Variants in GABRB1 observed in about 807,000 individuals in gnomAD.
GABRB1 encodes the protein gamma-aminobutyric acid receptor subunit beta-1.
Under a neutral mutation model 51.6 loss-of-function variants are expected in GABRB1, and 17 were observed. The ratio of observed to expected loss-of-function variants is 0.33; its 90% CI spans 0.23 to 0.49. The LOEUF is 0.49. Among genes scored for constraint, GABRB1 ranks in the 20% least tolerant of loss-of-function variants. GABRB1 has a pLI of 0.99. For synonymous variants in GABRB1, 247 were observed against 218.9 expected, an observed-to-expected ratio of 1.13 and a Z score of -1.14; for missense variants, 410 against 600.6, an observed-to-expected ratio of 0.68 and a Z score of 3.32.
At chr4:47,136,176 G>T (rs1716640408) in intron 3 of GABRB1, among the ~76,000 whole-genome samples, 1 of 152,086 alleles carries the variant, frequency 6.6e-6, no homozygotes, top group Non-Finnish European at 1.5e-5. Context: ...GTTTTTTGTA[G>T]AGTTGAGGTC....
chr4:47,260,744 C>A (rs1014527383), intron 4 of GABRB1, among the ~76,000 whole-genome samples: 18 of 151,846 alleles, frequency 1.2e-4, no homozygotes, highest in African/African-American at 3.4e-4. Flanking sequence ...GAGACACAAC[C>A]AAAAAAGAGA....
intron 5 of GABRB1, among the ~76,000 whole-genome samples, chr4:47,343,327 G>A (rs1278631717): frequency 6.6e-6 from 1 of 152,132 alleles, no homozygotes; most frequent in Admixed American, 6.5e-5. Flanking sequence ...ACAGGTAGGA[G>A]ACAAGTCAGT....
intron 3 of GABRB1, among the ~76,000 whole-genome samples, chr4:47,141,268 C>T (rs977578298): frequency 2.6e-5 from 4 of 151,918 alleles, no homozygotes; most frequent in African/African-American, 9.7e-5. Flanking sequence ...CGTCCATCAG[C>T]CTGCTTCATT....
chr4:47,059,041 A>G (rs1258092136), intron 3 of GABRB1, among the ~76,000 whole-genome samples: 1 of 152,240 alleles, frequency 6.6e-6, no homozygotes, highest in Non-Finnish European at 1.5e-5. Flanking sequence ...CAAATTTTGC[A>G]TCTAATTTAT....
intron 4 of GABRB1, among the ~76,000 whole-genome samples, chr4:47,183,903 G>A (rs959654200): frequency 6.6e-6 from 1 of 151,770 alleles, no homozygotes; most frequent in Non-Finnish European, 1.5e-5. Context: ...TCCATACTTG[G>A]ACTACTTGCT....
At chr4:47,349,565 T>A (rs895507046) in intron 5 of GABRB1, among the ~76,000 whole-genome samples, 7 of 152,214 alleles carry the variant, frequency 4.6e-5, no homozygotes, top group Admixed American at 4.6e-4. Flanking sequence ...CATGCCATCC[T>A]GCTCCATCAG....
chr4:47,425,822 G>T lies in GABRB1; in HGVS notation c.1229G>T (p.Ser410Ile). The T allele has an allele frequency of 6.2e-7, 1 of 1,614,110 alleles. No homozygotes were observed. ...ATCCAGTACCGCAAGCCCCTGAGCA[G>T]CCGCGAGGCCTACGGGCGCGCCCTG... The part of the protein sequence containing the change: ...ASIQYRKPLS[S>I]REAYGRALDR... The change falls in exon 9 of 9, where the codon AGC becomes ATC. Residue 410 changes from serine to isoleucine, a missense_variant. By Grantham distance (142) the Ser-to-Ile change is moderately radical. Transcript: ENST00000295454.
intron 5 of GABRB1, among the ~76,000 whole-genome samples, chr4:47,350,008 A>C (rs1726248464): frequency 6.6e-6 from 1 of 152,056 alleles, no homozygotes; most frequent in South Asian, 2.1e-4. Flanking sequence ...GAAAATGCTA[A>C]GGAGAGAGAA....
intron 3 of GABRB1, among the ~76,000 whole-genome samples, chr4:47,133,781 A>G (rs1453838793): frequency 2.6e-5 from 4 of 152,206 alleles, no homozygotes; most frequent in Admixed American, 6.5e-5. Flanking sequence ...CAGATGTCCC[A>G]TTACTGATGA....
chr4:47,201,078 T>C (rs911956645), intron 4 of GABRB1, among the ~76,000 whole-genome samples: 10 of 152,158 alleles, frequency 6.6e-5, no homozygotes, highest in African/African-American at 2.4e-4. Context: ...ATAAAATATA[T>C]CTGAATGTAA....
chr4:47,195,938 T>C (rs1719666336), intron 4 of GABRB1, among the ~76,000 whole-genome samples: 1 of 152,252 alleles, frequency 6.6e-6, no homozygotes, highest in South Asian at 2.1e-4. Context: ...ACACTGTTTC[T>C]GTGATATAGA....
At chr4:47,112,683 C>A (rs1715276646) in intron 3 of GABRB1, among the ~76,000 whole-genome samples, 1 of 152,054 alleles carries the variant, frequency 6.6e-6, no homozygotes. Flanking sequence ...TTCATCCATT[C>A]ATTTACTCAT....
At chr4:47,311,049 C>A (rs1286920422) in intron 4 of GABRB1, among the ~76,000 whole-genome samples, 1 of 81,718 alleles carries the variant, frequency 1.2e-5, no homozygotes, top group African/African-American at 5.2e-5. Context: ...TAACAGAGAG[C>A]AACTCTGTCT....
intron 3 of GABRB1, among the ~76,000 whole-genome samples, chr4:47,153,677 C>T (rs1418540291): frequency 2.0e-5 from 3 of 151,924 alleles, no homozygotes; most frequent in Non-Finnish European, 4.4e-5. Context: ...AAAATGTGTT[C>T]CATGTGATTT....
At chr4:47,048,196 T>C (rs564571166) in intron 3 of GABRB1, among the ~76,000 whole-genome samples, 2 of 152,246 alleles carry the variant, frequency 1.3e-5, no homozygotes, top group Admixed American at 1.3e-4. Context: ...TACTTGAGGA[T>C]TGATTTATTC....
intron 3 of GABRB1, among the ~76,000 whole-genome samples, chr4:47,076,013 GTTACC>G (rs1156666325): frequency 2.6e-5 from 4 of 152,126 alleles, no homozygotes; most frequent in Admixed American, 6.5e-5. Flanking sequence ...TGCAGATGAG[GTTACC>G]TCATGTCCCT....
chr4:47,108,917 T>A (rs771558243), intron 3 of GABRB1, among the ~76,000 whole-genome samples: 2 of 152,072 alleles, frequency 1.3e-5, no homozygotes, highest in East Asian at 3.8e-4. Context: ...GCTACTAGAG[T>A]AAACTTTGAT....
At chr4:47,146,391 A>C (rs777385988) in intron 3 of GABRB1, among the ~76,000 whole-genome samples, 4 of 151,912 alleles carry the variant, frequency 2.6e-5, no homozygotes, top group Non-Finnish European at 4.4e-5. Flanking sequence ...TTTCAGGCTT[A>C]AGTTCCCTTT....
At chr4:47,123,905 T>C (rs184772633) in intron 3 of GABRB1, among the ~76,000 whole-genome samples, 21 of 55,654 alleles carry the variant, frequency 3.8e-4, no homozygotes, top group Middle Eastern at 0.011. Context: ...TATAATATAT[T>C]ATATATTAAT....
Sources: allele counts gnomAD v4.1 joint callset (sites outside exome capture counted in the v4.1 genomes callset), GRCh38; gene constraint gnomAD v4.1.1; transcripts MANE v1.5; gene names NCBI Gene and HGNC (gene_info 2026-07-23, HGNC 2026-07-21).